CNBD1: variants seen among roughly 807,000 people sequenced by gnomAD.
CNBD1 encodes cyclic nucleotide binding domain containing 1, also known as cyclic nucleotide-binding domain-containing protein 1.
In CNBD1, 71 loss-of-function variants were observed where a neutral mutation model predicts 54.4. That is an observed-to-expected ratio of 1.30 (90% CI 1.08 to 1.59). The LOEUF is 1.59. Ranked by LOEUF, CNBD1 falls within the 40% of genes most tolerant of loss-of-function variation. The pLI is 0.00. For missense variants in CNBD1, 659 were observed against 518.0 expected, an observed-to-expected ratio of 1.27 and a Z score of -2.64; for synonymous variants, 182 against 170.7, an observed-to-expected ratio of 1.07 and a Z score of -0.51.
At chr8:87,268,491 T>C (rs1256972139) in intron 6 of CNBD1, among the ~76,000 whole-genome samples, 2 of 152,086 alleles carry the variant, frequency 1.3e-5, no homozygotes, top group African/African-American at 4.8e-5. Context: ...TTGGGTTGAA[T>C]AGTGGTTCTG....
At chr8:87,200,473 A>G (rs1813835518) in intron 4 of CNBD1, among the ~76,000 whole-genome samples, 1 of 152,168 alleles carries the variant, frequency 6.6e-6, no homozygotes, top group South Asian at 2.1e-4. Flanking sequence ...AGAAAAAACA[A>G]TTAGTTCTTT....
chr8:87,426,786 T>G (rs963086355), intron 2 of CNBD1, among the ~76,000 whole-genome samples: 2 of 152,200 alleles, frequency 1.3e-5, no homozygotes, highest in Non-Finnish European at 2.9e-5. Context: ...CTTGGCTCAC[T>G]TCTTTTACCA....
intron 2 of CNBD1, among the ~76,000 whole-genome samples, chr8:87,414,288 C>T (rs953508577): frequency 5.7e-4 from 87 of 152,074 alleles, no homozygotes; most frequent in African/African-American, 2.0e-3. Flanking sequence ...AACCAAACAC[C>T]ACATGTTCTC....
intron 4 of CNBD1, among the ~76,000 whole-genome samples, chr8:87,062,879 T>C (rs1328336925): frequency 1.3e-5 from 2 of 152,112 alleles, no homozygotes; most frequent in Admixed American, 6.5e-5. Flanking sequence ...TAGTAATGCA[T>C]ATTAAAAAAA....
At chr8:87,379,759 G>A (rs1044644616) in intron 10 of CNBD1, among the ~76,000 whole-genome samples, 1 of 151,780 alleles carries the variant, frequency 6.6e-6, no homozygotes, top group Non-Finnish European at 1.5e-5. Flanking sequence ...GATTGAATCT[G>A]ATTGTTTTAT....
intron 10 of CNBD1, among the ~76,000 whole-genome samples, chr8:87,366,423 C>A (rs1810643296): frequency 1.3e-5 from 2 of 152,078 alleles, no homozygotes. Context: ...CTCTCCATCT[C>A]AGCAATGAAG....
At chr8:87,033,533 A>G (rs1427530958) in intron 4 of CNBD1, among the ~76,000 whole-genome samples, 1 of 152,188 alleles carries the variant, frequency 6.6e-6, no homozygotes, top group African/African-American at 2.4e-5. Flanking sequence ...CTCAGGGATC[A>G]GAGATTAGCA....
chr8:87,203,200 T>C (rs1813900191), intron 4 of CNBD1, among the ~76,000 whole-genome samples: 1 of 152,174 alleles, frequency 6.6e-6, no homozygotes, highest in African/African-American at 2.4e-5. Flanking sequence ...ATCAGACACA[T>C]AGTGTTATAA....
downstream of CNBD1, among the ~76,000 whole-genome samples, chr8:87,386,758 G>A (rs528588599): frequency 3.2e-4 from 49 of 152,170 alleles, no homozygotes; most frequent in Middle Eastern, 6.8e-3. Context: ...TACAGAGAAC[G>A]CCACAAAGAT....
chr8:87,060,229 G>A (rs903599331), intron 4 of CNBD1, among the ~76,000 whole-genome samples: 18 of 152,126 alleles, frequency 1.2e-4, no homozygotes, highest in African/African-American at 4.1e-4. Flanking sequence ...CAGTTAAACC[G>A]TGCCTGAACT....
At chr8:86,991,265 A>T (rs112020736) in intron 4 of CNBD1, among the ~76,000 whole-genome samples, 1,869 of 152,220 alleles carry the variant, frequency 0.012, 27 homozygotes, top group African/African-American at 0.035. Flanking sequence ...CAGATCTTAA[A>T]GGAAAGGATT....
rs140514995 is a variant in CNBD1 at position 87,381,893 on chromosome 8, C to T, written c.1304-727C>T. Among the ~76,000 whole-genome samples, 412 of 151,980 alleles carry T rather than the reference C, an allele frequency of 2.7e-3. 1 individual carries two copies. The highest frequency in any genetic ancestry group is 9.5e-3 in the African/African-American group (393 of 41,512). On this transcript the variant is annotated intron_variant, in intron 10 of 10. Coordinates refer to ENST00000518476, the MANE Select transcript of CNBD1 (RefSeq NM_173538.3). ...ATCCATGGGCATAAAGTTTCAGTTA[C>T]ACAAGATGAATAAGTTCTATGGATC...
chr8:87,365,809 T>A (rs141062456), intron 10 of CNBD1, among the ~76,000 whole-genome samples: 2 of 152,082 alleles, frequency 1.3e-5, no homozygotes, highest in African/African-American at 2.4e-5. Flanking sequence ...AGATTTCCAA[T>A]AAATAACTGG....
chr8:86,996,609 C>T (rs1808875122), intron 4 of CNBD1, among the ~76,000 whole-genome samples: 2 of 151,954 alleles, frequency 1.3e-5, no homozygotes, highest in Admixed American at 1.3e-4. Flanking sequence ...TATTTTTTAC[C>T]TTTGGGCAGA....
chr8:87,352,767 G>C (rs1327477671), intron 9 of CNBD1, among the ~76,000 whole-genome samples: 2 of 152,278 alleles, frequency 1.3e-5, no homozygotes, highest in East Asian at 3.9e-4. Context: ...CTAATCATTA[G>C]TTGGTCAGGG....
intron 2 of CNBD1, among the ~76,000 whole-genome samples, chr8:87,427,727 ACT>A (rs962756889): frequency 3.9e-5 from 6 of 152,222 alleles, no homozygotes; most frequent in South Asian, 2.1e-4. Flanking sequence ...GAATAAACAA[ACT>A]CTTCATTATG....
intron 4 of CNBD1, among the ~76,000 whole-genome samples, chr8:87,051,671 A>G (rs950868611): frequency 6.6e-6 from 1 of 152,232 alleles, no homozygotes; most frequent in Non-Finnish European, 1.5e-5. Context: ...TCCTTAAGGC[A>G]CAGATCGCTC....
At chr8:87,120,229 G>T (rs1317737584) in intron 4 of CNBD1, among the ~76,000 whole-genome samples, 3 of 151,702 alleles carry the variant, frequency 2.0e-5, no homozygotes, top group African/African-American at 7.2e-5. Flanking sequence ...TTGAGAGACT[G>T]TTACTGATTC....
intron 2 of CNBD1, among the ~76,000 whole-genome samples, chr8:86,904,114 T>A (rs1808979507): frequency 6.6e-6 from 1 of 152,004 alleles, no homozygotes; most frequent in Admixed American, 6.6e-5. Context: ...AAGAAAAAGC[T>A]GTTATAAATA....
Sources: allele counts gnomAD v4.1 joint callset (sites outside exome capture counted in the v4.1 genomes callset), GRCh38; gene constraint gnomAD v4.1.1; transcripts MANE v1.5; gene names NCBI Gene and HGNC (gene_info 2026-07-23, HGNC 2026-07-21).